KRTCAP3: variants seen among roughly 807,000 people sequenced by gnomAD.
KRTCAP3 encodes the protein keratinocyte associated protein 3.
KRTCAP3 carries 18 observed loss-of-function variants against 20.5 expected under a neutral mutation model. That is an observed-to-expected ratio of 0.88 (90% CI 0.61 to 1.31). The LOEUF is 1.31. Among genes scored for constraint, KRTCAP3 ranks in the 50% most tolerant of loss-of-function variants. The probability of loss-of-function intolerance (pLI) is 0.00; values close to 1 mark genes in which losing one functional copy is unlikely to be tolerated. For synonymous variants in KRTCAP3, 167 were observed against 133.7 expected (o/e 1.25, Z -1.72); for missense variants, 347 against 310.4 (o/e 1.12, Z -0.89).
chr2:27,443,010 T>G (rs1481309738), intron 3 of KRTCAP3, 64 bp from the exon 4 acceptor site: 8 of 1,568,116 alleles, frequency 5.1e-6, no homozygotes, highest in Non-Finnish European at 7.0e-6. Context: ...AGAAACTGGG[T>G]GTCTAGTCAC....
chr2:27,444,173 C>A lies in KRTCAP3; in HGVS notation c.*6-13C>A. ...TTCCCCTCTGACCTGGGTTGGTTCT[C>A]CCCTCTGTCCAGCAGGTGCTGTTCC... On this transcript the variant is annotated splice_polypyrimidine_tract_variant and intron_variant, in intron 6 of 6. Transcript: ENST00000288873. The A allele has an allele frequency of 1.4e-6, 1 of 735,178 alleles. No homozygotes were observed. Among genetic ancestry groups the A allele is most frequent in the Admixed American group, 2.3e-5 (1 of 44,010 alleles). 45.5% of individuals were successfully genotyped at this position (735,178 alleles called of 1,614,324 possible). A position where few individuals can be genotyped will look rare whatever the true frequency, so the allele number is the denominator to read the frequency against.
rs1664787823 is a variant in KRTCAP3, at chr2:27,443,983, G to GT, written c.651dup (p.Lys218Ter). The GT allele has an allele frequency of 6.2e-7, 1 of 1,613,266 alleles. No individual in the cohort carries two copies. The highest frequency in any genetic ancestry group is 8.5e-7 in the Non-Finnish European group (1 of 1,179,290). On this transcript the variant is annotated frameshift_variant, in exon 6 of 7. Coordinates refer to ENST00000288873, the MANE Select transcript of KRTCAP3 (RefSeq NM_173853.4). LOFTEE classifies it high-confidence loss of function. ...ATGACAGAGCTTGAATCTCCTAAAT[G>GT]TAAAAGGCAGGAAAATGAGCAGCTA...
downstream of KRTCAP3, chr2:27,446,318 C>T (rs915032282): frequency 8.7e-6 from 14 of 1,614,082 alleles, no homozygotes; most frequent in African/African-American, 4.0e-5. Context: ...CTGGGTGTGA[C>T]GCAAGAGTGA....
chr2:27,445,018 A>ATGG, downstream of KRTCAP3: 1 of 1,613,652 alleles, frequency 6.2e-7, no homozygotes, highest in Non-Finnish European at 8.5e-7. The surrounding 1 kb of genome is among the most constrained non-coding windows in gnomAD (Gnocchi z 4.4). Flanking sequence ...TCTAACCTTG[A>ATGG]TGGCCATAAG....
At chr2:27,443,040 C>T in intron 3 of KRTCAP3, 34 bp from the exon 4 acceptor site, 4 of 1,596,006 alleles carry the variant, frequency 2.5e-6, no homozygotes, top group South Asian at 1.1e-5. Flanking sequence ...TAGCCAGGCC[C>T]AGGCTGCTCA....
At chr2:27,443,807 C>G in intron 5 of KRTCAP3, 142 bp from the exon 6 acceptor site, 1 of 637,446 alleles carries the variant, frequency 1.6e-6, no homozygotes, top group Non-Finnish European at 2.8e-6. Flanking sequence ...ACCCGGAAGG[C>G]GGAGGTTGCA....
In KRTCAP3 at chr2:27,443,944, T is replaced by C; in HGVS notation, c.616-5T>C. The stretch of plus-strand genomic sequence containing the variant: ...GAGGGTGTCTAACTCTATCTTCTTC[T>C]GCAGCTAGAGGAAATGACAGAGCTT... On this transcript the variant is annotated splice_region_variant and splice_polypyrimidine_tract_variant and intron_variant, in intron 5 of 6. Transcript: ENST00000288873. The C allele has an allele frequency of 6.7e-7, 1 of 1,502,230 alleles. No homozygotes were observed. The allele number at this position is 1,502,230 out of a possible 1,614,324, so 93.1% of individuals were successfully genotyped here.
At chr2:27,442,553 A>G in intron 1 of KRTCAP3, 26 bp from the exon 2 acceptor site, 3 of 1,533,314 alleles carry the variant, frequency 2.0e-6, no homozygotes, top group Non-Finnish European at 2.6e-6. Context: ...GCCCGACTCA[A>G]CCCTGCCCTC....
In KRTCAP3 at chr2:27,442,751, C is replaced by T. The variant is rs1035394978; in HGVS notation, c.201C>T (p.Gly67=). The change falls in exon 2 of 7, where the codon GGC becomes GGT. Residue 67 remains glycine (G), a synonymous_variant. Coordinates refer to ENST00000288873, the MANE Select transcript of KRTCAP3 (RefSeq NM_173853.4). ...EYTVANVISV[G]SGLLSVSVGL... ...CCGTAGCCAATGTCATCTCTGTCGG[C>T]TCGGGGCTGCTGGTGAGCGCGGCAG... The T allele has an allele frequency of 1.2e-6, 2 of 1,609,154 alleles. No homozygotes were observed. Among genetic ancestry groups the T allele is most frequent in the South Asian group, 1.1e-5 (1 of 90,870 alleles).
downstream of KRTCAP3, chr2:27,444,460 AG>A: frequency 6.2e-7 from 1 of 1,613,340 alleles, no homozygotes. Context: ...GGTGCTGGGG[AG>A]CCCTCCACAC....
intron 6 of KRTCAP3, 31 bp from the exon 7 acceptor site, chr2:27,444,155 C>A: frequency 1.2e-6 from 1 of 807,200 alleles, no homozygotes. Context: ...GCTTTCCCCT[C>A]TGACCTGGGT....
chr2:27,442,745 T>G lies in KRTCAP3; in HGVS notation c.195T>G (p.Ser65=), dbSNP rs765211067. The G allele has an allele frequency of 1.2e-6, 2 of 1,607,998 alleles. No homozygotes were observed. Among genetic ancestry groups the G allele is most frequent in the Admixed American group, 3.4e-5 (2 of 59,340 alleles). ...TPEYTVANVI[S]VGSGLLSVSV... is the part of the protein sequence containing the mutation. Reference sequence around the variant, plus strand: ...AGTACACCGTAGCCAATGTCATCTCTGTCGGCTCGGGGCTGCTGGTGAGCG... The same window carrying G: ...AGTACACCGTAGCCAATGTCATCTCGGTCGGCTCGGGGCTGCTGGTGAGCG... The change falls in exon 2 of 7, where the codon TCT becomes TCG. Residue 65 remains serine (S), a synonymous_variant. Transcript: ENST00000288873.
chr2:27,443,117 CCGTTG>C lies in KRTCAP3; in HGVS notation c.319_323del (p.Val107LeufsTer23), dbSNP rs762522601. ...CTAGCTCTGGTGAACCTGCTCTTGT[CCGTTG>C]CCTGCTCCCTGGGCCTCCTTCTTGC... is the stretch of plus-strand genomic sequence containing the variant. On this transcript the variant is annotated frameshift_variant, in exon 4 of 7. Coordinates refer to ENST00000288873, the MANE Select transcript of KRTCAP3 (RefSeq NM_173853.4). LOFTEE classifies it high-confidence loss of function. 1 of 1,614,084 alleles carries C rather than the reference CCGTTG, an allele frequency of 6.2e-7. No individual in the cohort carries two copies. The highest frequency in any genetic ancestry group is 1.1e-5 in the South Asian group (1 of 91,082).
downstream of KRTCAP3, among the ~76,000 whole-genome samples, chr2:27,444,729 C>T (rs778684568): frequency 6.6e-6 from 1 of 152,174 alleles, no homozygotes; most frequent in Non-Finnish European, 1.5e-5. Context: ...CTCACTGCAA[C>T]CTCTGCCTCT....
downstream of KRTCAP3, chr2:27,446,231 C>T (rs749498090): frequency 1.2e-6 from 2 of 1,604,988 alleles, no homozygotes; most frequent in Non-Finnish European, 1.7e-6. Flanking sequence ...TTCCTCCTAT[C>T]TGCCCCACCC....
rs764132012 is a variant in KRTCAP3 at position 27,442,601 on chromosome 2, G to T, written c.51G>T (p.Arg17=). ...CAFDAARGPR[R]LMRVGLALIL... Reference sequence around the variant, plus strand: ...CAGACGCCGCCCGGGGGCCCAGGCGGCTGATGCGTGTGGGCCTCGCGCTGA... The same window carrying T: ...CAGACGCCGCCCGGGGGCCCAGGCGTCTGATGCGTGTGGGCCTCGCGCTGA... The change falls in exon 2 of 7, where the codon CGG becomes CGT. Residue 17 remains arginine (R), a synonymous_variant. Coordinates refer to ENST00000288873, the MANE Select transcript of KRTCAP3 (RefSeq NM_173853.4). 1.0e-5 allele frequency: 16 copies of T among 1,549,478 alleles called. No homozygotes were observed. The highest frequency in any genetic ancestry group is 1.4e-5 in the Non-Finnish European group (16 of 1,149,544).
downstream of KRTCAP3, among the ~76,000 whole-genome samples, chr2:27,444,741 G>C (rs1316858270): frequency 1.3e-5 from 2 of 152,104 alleles, no homozygotes; most frequent in Admixed American, 6.6e-5. Flanking sequence ...TCTGCCTCTC[G>C]GGTTTAAGCG....
At position 27,442,719 on chromosome 2, in the gene KRTCAP3, G is replaced by T; in HGVS notation, c.169G>T (p.Glu57Ter). ...VANPRGAVTPEYTVANVISVG... is the reference protein window; with the variant it reads ...VANPRGAVTP The stretch of plus-strand genomic sequence containing the variant: ...CAATCCCCGCGGCGCTGTCACGCCG[G>T]AGTACACCGTAGCCAATGTCATCTC... The change falls in exon 2 of 7, where the codon GAG becomes TAG. Residue 57 changes from glutamate (E) to a stop codon, truncating the protein, a stop_gained. Transcript: ENST00000288873. LOFTEE classifies it high-confidence loss of function. 1.2e-6 allele frequency: 2 copies of T among 1,602,550 alleles called. No homozygotes were observed. The highest frequency in any genetic ancestry group is 2.2e-5 in the East Asian group (1 of 44,630).
intron 4 of KRTCAP3, 34 bp from the exon 5 acceptor site, chr2:27,443,364 C>A: frequency 6.2e-7 from 1 of 1,613,974 alleles, no homozygotes; most frequent in African/African-American, 1.3e-5. Flanking sequence ...ACTTGCCCTA[C>A]TCCCTCCTAC....
Sources: allele counts gnomAD v4.1 joint callset (sites outside exome capture counted in the v4.1 genomes callset), GRCh38; gene constraint gnomAD v4.1.1; non-coding constraint Gnocchi (gnomAD v3.1); transcripts MANE v1.5; gene names NCBI Gene and HGNC (gene_info 2026-07-23, HGNC 2026-07-21).